The following DYSF variants were observed in gnomAD, a reference collection of about 807,000 sequenced individuals.
The protein encoded by DYSF is dystrophy-associated fer-1-like 1.
Under a neutral mutation model 274.9 loss-of-function variants are expected in DYSF, and 212 were observed. That is an observed-to-expected ratio of 0.77 (90% CI 0.69 to 0.86). The LOEUF (loss-of-function observed/expected upper bound fraction) is 0.86. Ranked by LOEUF, DYSF falls within the 40% of genes least tolerant of loss-of-function variation. The pLI is 0.00. For missense variants in DYSF, 2,666 were observed against 2,783.2 expected (o/e 0.96, Z 0.95); for synonymous variants, 1,091 against 1,078.7 (o/e 1.01, Z -0.22).
intron 20 of DYSF, 54 bp from the exon 21 acceptor site, chr2:71,553,753 T>G: frequency 1.1e-4 from 60 of 567,494 alleles, no homozygotes; most frequent in Non-Finnish European, 1.6e-4. Flanking sequence ...TAGCACCCCA[T>G]CCCACCCGCC....
At position 71,483,945 on chromosome 2, in the gene DYSF, A is replaced by C. The variant is rs981950010; in HGVS notation, c.239+1975A>C. On this transcript the variant is annotated intron_variant, in intron 3 of 55. Transcript: ENST00000410020. Reference sequence around the variant, plus strand: ...GCGTTGACAGAGTTTAGAGGGGCAGAGGCAGGACAGTCTGGTTACTGCAGG... The same window carrying C: ...GCGTTGACAGAGTTTAGAGGGGCAGCGGCAGGACAGTCTGGTTACTGCAGG... Among the ~76,000 whole-genome samples, 5 of 151,346 alleles carry C rather than the reference A, an allele frequency of 3.3e-5. No homozygotes were observed. In the East Asian group the frequency reaches 9.7e-4, roughly 29 times the overall value.
intron 40 of DYSF, among the ~76,000 whole-genome samples, chr2:71,618,980 G>T (rs2152892599): frequency 1.3e-5 from 2 of 152,112 alleles, no homozygotes; most frequent in Middle Eastern, 6.8e-3. Context: ...TCTCTGGGAT[G>T]CCGTGAAGGT....
intron 27 of DYSF, 83 bp downstream of exon 27, chr2:71,570,017 T>G: frequency 7.7e-7 from 1 of 1,303,912 alleles, no homozygotes; most frequent in Non-Finnish European, 1.1e-6. Flanking sequence ...GTGGGGCATG[T>G]TTCTCTTTGC....
rs149386446 is a variant in DYSF, at chr2:71,551,712, C to T, written c.1798C>T (p.Arg600Trp). 228 of 1,605,250 alleles carry T rather than the reference C, an allele frequency of 1.4e-4. No individual in the cohort carries two copies. The highest frequency in any genetic ancestry group is 1.9e-4 in the Admixed American group (11 of 58,340). The change falls in exon 19 of 56, where the codon CGG becomes TGG. Residue 600 changes from arginine (R) to tryptophan (W), a missense_variant. Around this residue, in one of 3 missense-constraint regions of DYSF, gnomAD observed 794 missense variants for 777.1 expected, o/e 1.02. Coordinates refer to ENST00000410020, the MANE Select transcript of DYSF (RefSeq NM_001130987.2). ...GGACCTTCCTGCGGATGACATCCTC[C>T]GGGTGGAGGTGAGGGGTGTGGCTCT... is the stretch of plus-strand genomic sequence containing the variant. ...VEDLPADDIL[R>W]VEKYLRRRKY...
rs778617256 is a variant in DYSF at position 71,674,248 on chromosome 2, G to A, written c.5836G>A (p.Val1946Met). 6.2e-7 allele frequency: 1 copy of A among 1,614,242 alleles called. No individual in the cohort carries two copies. Among genetic ancestry groups the A allele is most frequent in the Non-Finnish European group, 8.5e-7 (1 of 1,180,048 alleles). ...TGAGAGCAAAATCCCAGCACGAGTGGTGTTCCAGATCTGGGACAATGACAA... is the reference window on the plus strand; with the variant it reads ...TGAGAGCAAAATCCCAGCACGAGTGATGTTCCAGATCTGGGACAATGACAA... ...KTESKIPARV[V>M]FQIWDNDKFS... Residue 1946 changes from valine (V) to methionine (M), a missense_variant, in exon 52 of 56, where the codon GTG becomes ATG. Around this residue, in one of 3 missense-constraint regions of DYSF, gnomAD observed 1,460 missense variants for 1,502.1 expected, o/e 0.97. Transcript: ENST00000410020.
chr2:71,514,178 G>A (rs1284919597), intron 7 of DYSF, among the ~76,000 whole-genome samples: 2 of 145,436 alleles, frequency 1.4e-5, no homozygotes, highest in Non-Finnish European at 3.0e-5. Flanking sequence ...AGTCACTGCA[G>A]AGATTCAGCA....
chr2:71,483,558 A>G (rs532166724), intron 3 of DYSF, among the ~76,000 whole-genome samples: 1 of 152,216 alleles, frequency 6.6e-6, no homozygotes, highest in Admixed American at 6.5e-5. Flanking sequence ...CGGCCCTGTG[A>G]GAAGTGGGTG....
chr2:71,616,760 C>T (rs13417038), intron 40 of DYSF, among the ~76,000 whole-genome samples: 5,127 of 152,182 alleles, frequency 0.034, 306 homozygotes, highest in African/African-American at 0.12. Flanking sequence ...AAAAATAGGG[C>T]TTACCTCCAT....
chr2:71,619,616 C>T (rs1287037525), intron 40 of DYSF, among the ~76,000 whole-genome samples: 3 of 152,176 alleles, frequency 2.0e-5, no homozygotes, highest in Non-Finnish European at 4.4e-5. Context: ...GCCCCGGCAG[C>T]TCTGGGTCCT....
At chr2:71,620,678 A>C in intron 41 of DYSF, 69 bp downstream of exon 41, 15 of 745,710 alleles carry the variant, frequency 2.0e-5, no homozygotes, top group Non-Finnish European at 3.1e-5. Flanking sequence ...GGGGGTTAGG[A>C]GGGAAATGGG....
At chr2:71,526,948 G>A (rs2087992164) in intron 13 of DYSF, among the ~76,000 whole-genome samples, 1 of 152,234 alleles carries the variant, frequency 6.6e-6, no homozygotes, top group Non-Finnish European at 1.5e-5. Flanking sequence ...CTTCCTCCCA[G>A]GAAGGCCAAT....
At chr2:71,483,811 T>C (rs974736910) in intron 3 of DYSF, among the ~76,000 whole-genome samples, 4 of 152,108 alleles carry the variant, frequency 2.6e-5, no homozygotes, top group South Asian at 2.1e-4. Flanking sequence ...AGGCAGGTTT[T>C]TGGGACATGC....
At chr2:71,535,540 G>A (rs1463004508) in intron 16 of DYSF, among the ~76,000 whole-genome samples, 1 of 152,088 alleles carries the variant, frequency 6.6e-6, no homozygotes, top group Non-Finnish European at 1.5e-5. Flanking sequence ...CATCTCTGAG[G>A]GCAGAAGGAG....
chr2:71,609,335 T>C (rs1257301992), intron 36 of DYSF, among the ~76,000 whole-genome samples: 2 of 152,076 alleles, frequency 1.3e-5, no homozygotes, highest in South Asian at 2.1e-4. Flanking sequence ...TGGAGGAAAA[T>C]GATAAGTTTT....
At chr2:71,617,796 G>A in intron 40 of DYSF, among the ~76,000 whole-genome samples, 1 of 130,950 alleles carries the variant, frequency 7.6e-6, no homozygotes, top group East Asian at 2.4e-4. Flanking sequence ...GTGTGGTAGA[G>A]GTGGGGTATA....
At chr2:71,502,511 G>A (rs1194801585) in intron 3 of DYSF, among the ~76,000 whole-genome samples, 1 of 152,094 alleles carries the variant, frequency 6.6e-6, no homozygotes, top group East Asian at 1.9e-4. Flanking sequence ...CAGACTATAT[G>A]GTGAGCCCAC....
chr2:71,575,101 C>A (rs140853981), intron 30 of DYSF, among the ~76,000 whole-genome samples: 1 of 152,142 alleles, frequency 6.6e-6, no homozygotes, highest in East Asian at 1.9e-4. Flanking sequence ...CCCCATGGGA[C>A]GTGAGGGTGT....
intron 36 of DYSF, among the ~76,000 whole-genome samples, chr2:71,605,496 A>G (rs1393255801): frequency 7.2e-5 from 11 of 151,780 alleles, no homozygotes; most frequent in Admixed American, 7.2e-4. Flanking sequence ...AAGAAGACCC[A>G]TGGGGCTTGT....
chr2:71,648,400 A>C (rs1262652223), intron 42 of DYSF, among the ~76,000 whole-genome samples: 1 of 152,248 alleles, frequency 6.6e-6, no homozygotes, highest in East Asian at 1.9e-4. Context: ...CAGAGGACAG[A>C]AACTATAAAA....
Sources: gnomAD v4.1 joint callset for allele counts (sites outside exome capture counted in the v4.1 genomes callset) on GRCh38, gnomAD v4.1.1 for gene constraint, gnomAD v4.1.1 regional missense constraint, MANE v1.5 for transcripts, NCBI Gene and HGNC (gene_info 2026-07-23, HGNC 2026-07-21) for gene names.